The following FHOD3 variants were observed in gnomAD, a reference collection of about 807,000 sequenced individuals.
FHOD3 encodes formin homology 2 domain containing 3, also known as FH1/FH2 domain-containing protein 3.
Under a neutral mutation model 173.0 loss-of-function variants are expected in FHOD3, and 90 were observed. The observed-to-expected ratio is 0.52, with a 90% confidence interval of 0.44 to 0.62. The LOEUF (loss-of-function observed/expected upper bound fraction) is 0.62, where lower values mean the gene tolerates loss of function less well. Among genes scored for constraint, FHOD3 ranks in the 20% least tolerant of loss-of-function variants. The pLI is 0.00. For synonymous variants in FHOD3, 828 were observed against 823.0 expected (o/e 1.01, Z -0.10); for missense variants, 1,945 against 2,034.7 (o/e 0.96, Z 0.85).
intron 17 of FHOD3, among the ~76,000 whole-genome samples, chr18:36,702,201 G>A (rs1371527746): frequency 6.6e-6 from 1 of 152,184 alleles, no homozygotes; most frequent in African/African-American, 2.4e-5. Flanking sequence ...TGCCACAATA[G>A]CAGAGGAGAA....
At chr18:36,537,273 A>G (rs1437989637) in intron 5 of FHOD3, among the ~76,000 whole-genome samples, 1 of 152,178 alleles carries the variant, frequency 6.6e-6, no homozygotes, top group Non-Finnish European at 1.5e-5. Flanking sequence ...CACATACTCC[A>G]GTTTTCCAGC....
intron 10 of FHOD3, among the ~76,000 whole-genome samples, chr18:36,638,789 T>C (rs1025297033): frequency 6.6e-6 from 1 of 152,174 alleles, no homozygotes; most frequent in Non-Finnish European, 1.5e-5. Flanking sequence ...CGTTGAGGCA[T>C]GCATTAGAGA....
rs368828885 is a variant in FHOD3 at position 36,594,843 on chromosome 18, G to A, written c.663G>A (p.Ser221=). The part of the protein sequence containing the change: ...LKLLLVFVEY[S]ESNAPLLIQA... The stretch of plus-strand genomic sequence containing the variant: ...TGCTGCTCGTCTTTGTAGAGTACTC[G>A]GAGTCCAACGCACCTCTCCTAATTC... Residue 221 remains serine, a synonymous_variant, in exon 7 of 29, where the codon TCG becomes TCA. Transcript: ENST00000590592. The A allele has an allele frequency of 3.1e-4, 496 of 1,613,850 alleles. 8 individuals are homozygous for A. In the South Asian group the frequency reaches 3.5e-3, roughly 11 times the overall value.
chr18:36,554,082 T>A (rs1370410112), intron 5 of FHOD3, among the ~76,000 whole-genome samples: 1 of 152,182 alleles, frequency 6.6e-6, no homozygotes, highest in Admixed American at 6.5e-5. Flanking sequence ...AGTGTGGCAA[T>A]TCCTCAAGGA....
At chr18:36,708,680 C>T (rs576102431) in intron 17 of FHOD3, among the ~76,000 whole-genome samples, 1 of 152,288 alleles carries the variant, frequency 6.6e-6, no homozygotes, top group African/African-American at 2.4e-5. Flanking sequence ...GAACTGAAGT[C>T]CCTGTTCCTG....
chr18:36,664,158 G>T (rs2036996405), intron 14 of FHOD3, among the ~76,000 whole-genome samples: 1 of 151,986 alleles, frequency 6.6e-6, no homozygotes, highest in South Asian at 2.1e-4. Context: ...AATTAAATTG[G>T]TTGATTAAAG....
At position 36,770,336 on chromosome 18, in the gene FHOD3, T is replaced by G. The variant is rs577522007; in HGVS notation, c.4786+910T>G. ...CCAGCTAGGCAGGGAGTTGAGTAAG[T>G]ACTCAAATTCAGAGAGCCCCAAACT... On this transcript the variant is annotated intron_variant, in intron 28 of 28. Coordinates refer to ENST00000590592, the MANE Select transcript of FHOD3 (RefSeq NM_001281740.3). Among the ~76,000 whole-genome samples, 49 of 152,338 alleles carry G rather than the reference T, an allele frequency of 3.2e-4. 1 individual carries two copies. The South Asian group carries it at 3.7e-3, about 12-fold the overall frequency.
intron 13 of FHOD3, among the ~76,000 whole-genome samples, chr18:36,656,300 C>T (rs1457123378): frequency 6.6e-6 from 1 of 152,192 alleles, no homozygotes; most frequent in Non-Finnish European, 1.5e-5. Flanking sequence ...AACCAACACT[C>T]ACTTGGAGAA....
chr18:36,374,607 A>G (rs992545285), intron 3 of FHOD3, among the ~76,000 whole-genome samples: 1 of 152,268 alleles, frequency 6.6e-6, no homozygotes, highest in African/African-American at 2.4e-5. Context: ...GGGGAATATT[A>G]TAAAATCTAA....
intron 14 of FHOD3, among the ~76,000 whole-genome samples, chr18:36,674,470 C>A (rs575757531): frequency 3.3e-5 from 5 of 152,258 alleles, no homozygotes; most frequent in Non-Finnish European, 7.4e-5. Flanking sequence ...GCCTTGAACT[C>A]CTGGCCTTGA....
At chr18:36,408,717 G>A (rs1408342476) in intron 3 of FHOD3, among the ~76,000 whole-genome samples, 3 of 152,164 alleles carry the variant, frequency 2.0e-5, no homozygotes, top group African/African-American at 7.2e-5. Context: ...GCCAGGGGTA[G>A]AAGCATTGGG....
chr18:36,618,301 T>A (rs1319056573), intron 9 of FHOD3, among the ~76,000 whole-genome samples: 1 of 146,238 alleles, frequency 6.8e-6, no homozygotes, highest in Non-Finnish European at 1.5e-5. Flanking sequence ...GGTAATGATG[T>A]TTTTTGGTGG....
chr18:36,502,245 T>G (rs1172110065), intron 4 of FHOD3, among the ~76,000 whole-genome samples: 2 of 151,934 alleles, frequency 1.3e-5, no homozygotes, highest in African/African-American at 2.4e-5. Flanking sequence ...TTCTAGTTTT[T>G]TTTTTTTTTA....
At chr18:36,622,611 G>T (rs2033801973) in intron 9 of FHOD3, among the ~76,000 whole-genome samples, 1 of 152,194 alleles carries the variant, frequency 6.6e-6, no homozygotes, top group African/African-American at 2.4e-5. Context: ...TCCATTACTT[G>T]GGACAGTGTT....
rs569319740 is a variant in FHOD3, at chr18:36,346,136, A to C, written c.166-9403A>C. On this transcript the variant is annotated intron_variant, in intron 1 of 28. Coordinates refer to ENST00000590592, the MANE Select transcript of FHOD3 (RefSeq NM_001281740.3). ...ATCCCAGCACTTTGGGAGGGTGAGGAAGAAGGTTTGCCTGAACCCAGGAGT... is the reference window on the plus strand; with the variant it reads ...ATCCCAGCACTTTGGGAGGGTGAGGCAGAAGGTTTGCCTGAACCCAGGAGT... Among the ~76,000 whole-genome samples the C allele has an allele frequency of 2.6e-5, 4 of 152,260 alleles. No homozygotes were observed. In the East Asian group the frequency reaches 7.7e-4, roughly 29 times the overall value.
chr18:36,396,610 A>T (rs1387461313), intron 3 of FHOD3, among the ~76,000 whole-genome samples: 1 of 152,058 alleles, frequency 6.6e-6, no homozygotes, highest in Non-Finnish European at 1.5e-5. Context: ...ATTCTGATTT[A>T]TGTTCTTAGC....
intron 3 of FHOD3, among the ~76,000 whole-genome samples, chr18:36,456,102 G>A (rs1031733848): frequency 6.6e-6 from 1 of 152,034 alleles, no homozygotes; most frequent in African/African-American, 2.4e-5. Context: ...AAGTTAATGG[G>A]GCTTCTGTTC....
intron 19 of FHOD3, among the ~76,000 whole-genome samples, chr18:36,729,259 G>T (rs2041231737): frequency 6.6e-6 from 1 of 152,202 alleles, no homozygotes; most frequent in African/African-American, 2.4e-5. Context: ...TCCCAAGTGT[G>T]TTTGCCTCAA....
At chr18:36,486,622 G>C (rs1233932241) in intron 3 of FHOD3, among the ~76,000 whole-genome samples, 1 of 152,206 alleles carries the variant, frequency 6.6e-6, no homozygotes, top group African/African-American at 2.4e-5. Flanking sequence ...ATATTTAAGA[G>C]TTAGAACTAA....
Sources: gnomAD v4.1 joint callset for allele counts (sites outside exome capture counted in the v4.1 genomes callset) on GRCh38, gnomAD v4.1.1 for gene constraint, MANE v1.5 for transcripts, NCBI Gene and HGNC (gene_info 2026-07-23, HGNC 2026-07-21) for gene names.